The following LIG1 variants were observed in gnomAD, a reference collection of about 807,000 sequenced individuals.
The protein encoded by LIG1 is ligase I, DNA, ATP-dependent.
A neutral mutation model predicts 115.7 loss-of-function variants in LIG1; 70 were observed. The ratio of observed to expected loss-of-function variants is 0.60; its 90% CI spans 0.50 to 0.74. The LOEUF (loss-of-function observed/expected upper bound fraction) is 0.74, where lower values mean the gene tolerates loss of function less well. Ranked by LOEUF, LIG1 falls within the 30% of genes least tolerant of loss-of-function variation. The pLI, the probability that LIG1 is intolerant of heterozygous loss-of-function variation, is 0.00. For synonymous variants in LIG1, 487 were observed against 495.3 expected, an observed-to-expected ratio of 0.98 and a Z score of 0.22; for missense variants, 1,115 against 1,225.6, an observed-to-expected ratio of 0.91 and a Z score of 1.35.
chr19:48,164,379 C>CA (rs1484002210), intron 2 of LIG1, among the ~76,000 whole-genome samples: 1 of 152,160 alleles, frequency 6.6e-6, no homozygotes, highest in East Asian at 1.9e-4. Context: ...GTCTCTCTAC[C>CA]ATCCATTTTT....
intron 16 of LIG1, among the ~76,000 whole-genome samples, chr19:48,134,455 C>G (rs2034248841): frequency 6.6e-6 from 1 of 152,206 alleles, no homozygotes; most frequent in African/African-American, 2.4e-5. Flanking sequence ...CCCAGGAGTT[C>G]AAGACCAGCC....
At chr19:48,145,642 C>T (rs1436947167) in intron 9 of LIG1, among the ~76,000 whole-genome samples, 2 of 152,180 alleles carry the variant, frequency 1.3e-5, no homozygotes, top group East Asian at 3.9e-4. Flanking sequence ...CAAGCGGTGG[C>T]CGGCATTACA....
Position 48,161,395 on chromosome 19 carries a change from C to T in LIG1, c.220G>A (p.Ala74Thr). 1 of 1,614,152 alleles carries T rather than the reference C, an allele frequency of 6.2e-7. No homozygotes were observed. The highest frequency in any genetic ancestry group is 1.3e-5 in the African/African-American group (1 of 75,032). ...ACCTGGCCTTTAGCAGGGCTAAGGG[C>T]TTCATCCTCCTCTTCCCCTTCGCTG... is the stretch of plus-strand genomic sequence containing the variant. The part of the protein sequence containing the change: ...LGSEGEEEDE[A>T]LSPAKGQKPA... The change falls in exon 4 of 28, where the codon GCC (alanine) becomes ACC (threonine). Residue 74 changes from alanine to threonine, a missense_variant. By Grantham distance (58) the Ala-to-Thr change is moderately conservative (BLOSUM62 0). Coordinates refer to ENST00000263274, the MANE Select transcript of LIG1 (RefSeq NM_000234.3).
chr19:48,143,793 G>T, intron 10 of LIG1, 90 bp downstream of exon 10: 1 of 1,221,234 alleles, frequency 8.2e-7, no homozygotes, highest in Non-Finnish European at 1.2e-6. Context: ...GGAGAGACTT[G>T]ACCATTTCTC....
chr19:48,118,401 C>T (rs1040578374), intron 25 of LIG1: 3 of 163,150 alleles, frequency 1.8e-5, no homozygotes, highest in Admixed American at 5.8e-5. Flanking sequence ...AAGGGCAGTT[C>T]CCCTGCACAC....
At chr19:48,163,725 C>T (rs933860998) in intron 2 of LIG1, among the ~76,000 whole-genome samples, 10 of 151,926 alleles carry the variant, frequency 6.6e-5, no homozygotes, top group Admixed American at 3.3e-4. Context: ...GGGCGGATCA[C>T]GAGGTCAGGA....
rs1410832382 is a variant in LIG1, at chr19:48,116,040, T to C, written c.2584-75A>G. The C allele has an allele frequency of 3.7e-6, 4 of 1,074,760 alleles. No individual in the cohort carries two copies. The African/African-American group carries it at 6.3e-5, about 17-fold the overall frequency. The allele number at this position is 1,074,760 out of a possible 1,614,324, so 66.6% of individuals were successfully genotyped here. A position where few individuals can be genotyped will look rare whatever the true frequency, so the allele number is the denominator to read the frequency against. On this transcript the variant is annotated intron_variant, in intron 26 of 27. Coordinates refer to ENST00000263274, the MANE Select transcript of LIG1 (RefSeq NM_000234.3). ...GCTCAGTCTCCTCCCTCCTCCACTC[T>C]GGACTGTTTCCTGATCCACATGACG...
chr19:48,129,896 C>A (rs560850659), intron 19 of LIG1, among the ~76,000 whole-genome samples: 1 of 152,298 alleles, frequency 6.6e-6, no homozygotes, highest in Non-Finnish European at 1.5e-5. Context: ...GCTGGGACTA[C>A]AGGTGCGTGC....
At chr19:48,157,189 C>T in intron 4 of LIG1, 49 bp from the exon 5 acceptor site, 1 of 1,559,416 alleles carries the variant, frequency 6.4e-7, no homozygotes, top group Non-Finnish European at 8.7e-7. Context: ...AGGAGGGACT[C>T]CATTTTCCAA....
chr19:48,150,586 C>A (rs1396452208), intron 7 of LIG1, among the ~76,000 whole-genome samples: 1 of 152,240 alleles, frequency 6.6e-6, no homozygotes, highest in Non-Finnish European at 1.5e-5. Flanking sequence ...TTGGACCACC[C>A]TGAGAGGGTA....
At chr19:48,141,346 G>A (rs771084914) in intron 11 of LIG1, among the ~76,000 whole-genome samples, 2 of 152,110 alleles carry the variant, frequency 1.3e-5, no homozygotes, top group African/African-American at 2.4e-5. Flanking sequence ...TGGTCAGGCT[G>A]GTCTCGAACT....
At chr19:48,126,923 T>C (rs1599756407) in intron 21 of LIG1, 1 of 273,402 alleles carries the variant, frequency 3.7e-6, no homozygotes, top group Non-Finnish European at 7.3e-6. Flanking sequence ...TTTGAGAAAG[T>C]GGTGAGACTA....
Position 48,127,343 on chromosome 19 carries a change from C to T in LIG1, c.1938G>A (p.Val646=). The change falls in exon 21 of 28, where the codon GTG becomes GTA. Residue 646 remains valine, a synonymous_variant. Coordinates refer to ENST00000263274, the MANE Select transcript of LIG1 (RefSeq NM_000234.3). ...QVLTTRKRKE[V]DASEIQVQVC... is the part of the protein sequence containing the mutation. Reference sequence around the variant, plus strand: ...CCTGCACCTGGATCTCAGACGCATCCACCTCCTGGGTTGGGGCACAACGGA... The same window carrying T: ...CCTGCACCTGGATCTCAGACGCATCTACCTCCTGGGTTGGGGCACAACGGA... The T allele has an allele frequency of 1.2e-6, 2 of 1,613,134 alleles. No individual in the cohort carries two copies. Among genetic ancestry groups the T allele is most frequent in the South Asian group, 1.1e-5 (1 of 91,086 alleles).
Position 48,135,668 on chromosome 19 carries a change from C to G in LIG1, c.1523+12G>C. Reference sequence around the variant, plus strand: ...CAGCCCCTGGCAACTCCACCCACTGCCCAGCTCTCACCAGAACGTCTGCTT... The same window carrying G: ...CAGCCCCTGGCAACTCCACCCACTGGCCAGCTCTCACCAGAACGTCTGCTT... On this transcript the variant is annotated intron_variant, in intron 16 of 27. Transcript: ENST00000263274. 6.2e-7 allele frequency: 1 copy of G among 1,611,020 alleles called. No individual in the cohort carries two copies. Among genetic ancestry groups the G allele is most frequent in the Non-Finnish European group, 8.5e-7 (1 of 1,177,212 alleles).
chr19:48,163,542 C>A (rs1411071182), intron 2 of LIG1, among the ~76,000 whole-genome samples: 5 of 151,958 alleles, frequency 3.3e-5, no homozygotes, highest in Non-Finnish European at 7.4e-5. Context: ...TGTGCCAGGG[C>A]CTGTTCTGGG....
chr19:48,144,425 G>A (rs553321211), intron 9 of LIG1, among the ~76,000 whole-genome samples: 8 of 152,278 alleles, frequency 5.3e-5, no homozygotes, highest in African/African-American at 7.2e-5. Context: ...AGGGAGGTGC[G>A]TATAGTCCCG....
intron 26 of LIG1, chr19:48,116,194 A>G: frequency 3.8e-6 from 2 of 524,980 alleles, no homozygotes; most frequent in Non-Finnish European, 3.5e-6. Context: ...CTGTAATCCC[A>G]GCACTTTGGG....
chr19:48,141,294 TA>T (rs768889072), intron 11 of LIG1, among the ~76,000 whole-genome samples: 128 of 152,240 alleles, frequency 8.4e-4, no homozygotes, highest in Middle Eastern at 3.4e-3. Flanking sequence ...CATGCCCGGC[TA>T]ATTTTTTTTA....
chr19:48,148,302 G>A (rs77949522), intron 9 of LIG1, among the ~76,000 whole-genome samples: 1 of 151,840 alleles, frequency 6.6e-6, no homozygotes, highest in Non-Finnish European at 1.5e-5. Flanking sequence ...GGTGAAACCC[G>A]GTCTCTACTA....
Sources: gnomAD v4.1 joint callset for allele counts (sites outside exome capture counted in the v4.1 genomes callset) on GRCh38, gnomAD v4.1.1 for gene constraint, MANE v1.5 for transcripts, NCBI Gene and HGNC (gene_info 2026-07-23, HGNC 2026-07-21) for gene names.